PSD3: variants seen among roughly 807,000 people sequenced by gnomAD.
The protein encoded by PSD3 is pleckstrin and Sec7 domain containing 3, also known as PH and SEC7 domain-containing protein 3.
PSD3 carries 49 observed loss-of-function variants against 105.5 expected under a neutral mutation model. That is an observed-to-expected ratio of 0.46 (90% CI 0.37 to 0.59). The LOEUF is 0.59. Ranked by LOEUF, PSD3 falls within the 20% of genes least tolerant of loss-of-function variation. The probability of loss-of-function intolerance (pLI) is 0.00; values close to 1 mark genes in which losing one functional copy is unlikely to be tolerated. For synonymous variants in PSD3, 557 were observed against 457.8 expected, an observed-to-expected ratio of 1.22 and a Z score of -2.77; for missense variants, 1,561 against 1,263.8, an observed-to-expected ratio of 1.24 and a Z score of -3.57.
chr8:18,550,848 G>A (rs1800722966), intron 15 of PSD3, among the ~76,000 whole-genome samples: 1 of 152,116 alleles, frequency 6.6e-6, no homozygotes. Flanking sequence ...CACTATCTCA[G>A]TTCCAGATCC....
At chr8:18,880,659 T>G (rs937090954) in intron 2 of PSD3, among the ~76,000 whole-genome samples, 1 of 152,206 alleles carries the variant, frequency 6.6e-6, no homozygotes, top group African/African-American at 2.4e-5. Context: ...CAACATGGCT[T>G]CTTCCAACTG....
chr8:18,651,541 T>C (rs907846772), intron 10 of PSD3, among the ~76,000 whole-genome samples: 9 of 152,210 alleles, frequency 5.9e-5, no homozygotes, highest in African/African-American at 2.2e-4. Context: ...TCATTACATA[T>C]AAACACTATG....
At chr8:18,653,052 A>T (rs2130843372) in intron 10 of PSD3, among the ~76,000 whole-genome samples, 1 of 152,328 alleles carries the variant, frequency 6.6e-6, no homozygotes, top group South Asian at 2.1e-4. Flanking sequence ...ATGATAACAG[A>T]GAGATCTGTT....
chr8:18,696,774 G>C (rs1333221516), intron 9 of PSD3, among the ~76,000 whole-genome samples: 2 of 152,036 alleles, frequency 1.3e-5, no homozygotes, highest in African/African-American at 4.8e-5. Context: ...CCTCAAATCG[G>C]AACATCATTA....
At chr8:19,021,659 G>T (rs920731677) in intron 1 of PSD3, among the ~76,000 whole-genome samples, 6 of 151,870 alleles carry the variant, frequency 4.0e-5, no homozygotes, top group African/African-American at 1.5e-4. Context: ...TTCCATTCCT[G>T]GTTGACCAAA....
At chr8:18,615,439 C>A (rs759029885) in intron 11 of PSD3, among the ~76,000 whole-genome samples, 28 of 152,072 alleles carry the variant, frequency 1.8e-4, no homozygotes, top group Non-Finnish European at 2.8e-4. Context: ...TCCAAGTATG[C>A]GCTCACCATT....
At chr8:18,608,919 A>G (rs1805054765) in intron 11 of PSD3, among the ~76,000 whole-genome samples, 1 of 152,218 alleles carries the variant, frequency 6.6e-6, no homozygotes, top group Non-Finnish European at 1.5e-5. Flanking sequence ...CAAATGGCAG[A>G]GCATTTGTTC....
intron 9 of PSD3, among the ~76,000 whole-genome samples, chr8:18,685,746 A>G (rs1800628096): frequency 1.3e-5 from 2 of 152,330 alleles, no homozygotes; most frequent in South Asian, 4.1e-4. Flanking sequence ...GAATAGACTT[A>G]GTTCTAACTT....
intron 14 of PSD3, among the ~76,000 whole-genome samples, chr8:18,559,514 T>C (rs1443663208): frequency 1.6e-4 from 24 of 152,160 alleles, no homozygotes; most frequent in Admixed American, 1.6e-3. Context: ...AATCAAACTC[T>C]TTCTATTTGT....
chr8:19,084,191 C>A, intron 1 of PSD3: 1 of 439,072 alleles, frequency 2.3e-6, no homozygotes, highest in South Asian at 1.6e-5. Flanking sequence ...GGATTCAGGA[C>A]ATGCGAGTTC....
intron 1 of PSD3, among the ~76,000 whole-genome samples, chr8:19,011,804 G>C (rs1011360729): frequency 3.3e-5 from 5 of 151,570 alleles, no homozygotes; most frequent in Admixed American, 1.3e-4. Context: ...TTCAACCACG[G>C]AATTTGGCCG....
chr8:19,058,261 G>C (rs982552190), intron 1 of PSD3, among the ~76,000 whole-genome samples: 3 of 152,090 alleles, frequency 2.0e-5, no homozygotes, highest in Non-Finnish European at 2.9e-5. Context: ...ATGAGGAACA[G>C]ATCAATGGTT....
intron 2 of PSD3, among the ~76,000 whole-genome samples, chr8:18,895,752 C>T (rs966835708): frequency 6.6e-6 from 1 of 152,166 alleles, no homozygotes; most frequent in African/African-American, 2.4e-5. Context: ...GATCAAAGAA[C>T]AGTAATTAGC....
intron 9 of PSD3, chr8:18,763,078 T>C (rs1019314686): frequency 2.1e-6 from 1 of 476,728 alleles, no homozygotes; most frequent in Non-Finnish European, 4.1e-6. Flanking sequence ...CAAAATGACA[T>C]GGAACAACAG....
intron 9 of PSD3, among the ~76,000 whole-genome samples, chr8:18,715,885 G>A (rs1409272007): frequency 6.6e-6 from 1 of 152,218 alleles, no homozygotes; most frequent in Non-Finnish European, 1.5e-5. Flanking sequence ...GTTCTAGGTA[G>A]AGACAGACAC....
At chr8:19,028,100 C>T (rs955735019) in intron 1 of PSD3, among the ~76,000 whole-genome samples, 1 of 152,136 alleles carries the variant, frequency 6.6e-6, no homozygotes, top group African/African-American at 2.4e-5. Context: ...TTGTGGCCAA[C>T]ATTTGGTATT....
chr8:18,813,987 T>C (rs1453712938), intron 4 of PSD3, among the ~76,000 whole-genome samples: 2 of 152,198 alleles, frequency 1.3e-5, no homozygotes, highest in Non-Finnish European at 2.9e-5. Context: ...TTATTAAATA[T>C]AAATCTCCAT....
chr8:19,056,265 G>T (rs1052418356), intron 1 of PSD3, among the ~76,000 whole-genome samples: 2 of 152,280 alleles, frequency 1.3e-5, no homozygotes, highest in Admixed American at 6.5e-5. Flanking sequence ...GGCAGTTAAT[G>T]GTTGCAGCTT....
intron 1 of PSD3, among the ~76,000 whole-genome samples, chr8:19,009,856 A>G (rs1826874066): frequency 6.6e-6 from 1 of 152,142 alleles, no homozygotes. Flanking sequence ...GCACCATTGC[A>G]CTCCAGCCTG....
Sources: gnomAD v4.1 joint callset for allele counts (sites outside exome capture counted in the v4.1 genomes callset) on GRCh38, gnomAD v4.1.1 for gene constraint, MANE v1.5 for transcripts, NCBI Gene and HGNC (gene_info 2026-07-23, HGNC 2026-07-21) for gene names.